Variants in CELA3A observed in about 807,000 individuals in gnomAD.
The protein encoded by CELA3A is chymotrypsin-like elastase family member 3A.
In CELA3A, 35 loss-of-function variants were observed where a neutral mutation model predicts 38.6. The ratio of observed to expected loss-of-function variants is 0.91; its 90% CI spans 0.69 to 1.20. The LOEUF is 1.20. Among genes scored for constraint, CELA3A ranks in the 50% most tolerant of loss-of-function variants. The pLI is 0.00. For missense variants in CELA3A, 343 were observed against 354.2 expected (o/e 0.97, Z 0.25); for synonymous variants, 143 against 136.7 (o/e 1.05, Z -0.32).
At chr1:22,004,883 T>C (rs1204575532) in intron 2 of CELA3A, among the ~76,000 whole-genome samples, 1 of 151,162 alleles carries the variant, frequency 6.6e-6, no homozygotes, top group Admixed American at 6.6e-5. Flanking sequence ...GCAGATCACC[T>C]GAGGTGAGGA....
intron 1 of CELA3A, among the ~76,000 whole-genome samples, chr1:22,002,287 C>G (rs1458815677): frequency 6.6e-6 from 1 of 151,242 alleles, no homozygotes; most frequent in African/African-American, 2.4e-5. Flanking sequence ...ATCATTATCC[C>G]CCATTTTACT....
At chr1:22,010,310 T>C (rs1644975994) in intron 7 of CELA3A, 8 of 326,400 alleles carry the variant, frequency 2.5e-5, no homozygotes, top group South Asian at 1.8e-4. Context: ...CAGTAATAGC[T>C]AAACAACAAA....
chr1:22,005,203 G>A (rs1349739886), intron 2 of CELA3A, among the ~76,000 whole-genome samples: 1 of 151,658 alleles, frequency 6.6e-6, no homozygotes, highest in Non-Finnish European at 1.5e-5. Flanking sequence ...TCCCCAGGGA[G>A]GTCATAGTGC....
Position 22,005,670 on chromosome 1 carries a change from T to C in CELA3A, c.236T>C (p.Leu79Pro), listed in dbSNP as rs777550507. The stretch of plus-strand genomic sequence containing the variant: ...CTCACCTCTGCCTGCAGGAGGGATC[T>C]GACCTACCAGGTGGTGTTGGGTGAG... ...VTAGHCISRDLTYQVVLGEYN... is the reference protein window; with the variant it reads ...VTAGHCISRDPTYQVVLGEYN... Residue 79 changes from leucine to proline, a missense_variant, in exon 4 of 8, where the codon CTG becomes CCG. Physicochemically the swap from Leu to Pro is moderately conservative, Grantham distance 98. Coordinates refer to ENST00000290122, the MANE Select transcript of CELA3A (RefSeq NM_005747.5). 1 of 1,612,444 alleles carries C rather than the reference T, an allele frequency of 6.2e-7. No homozygotes were observed. Among genetic ancestry groups the C allele is most frequent in the South Asian group, 1.1e-5 (1 of 90,982 alleles).
At chr1:22,010,146 G>A in intron 7 of CELA3A, 1 of 429,496 alleles carries the variant, frequency 2.3e-6, no homozygotes, top group Non-Finnish European at 4.5e-6. Context: ...AGGGAGGATA[G>A]AGAGACATGC....
chr1:22,006,800 T>C (rs917789825), intron 4 of CELA3A, 78 bp from the exon 5 acceptor site: 1 of 1,558,392 alleles, frequency 6.4e-7, no homozygotes, highest in African/African-American at 1.4e-5. Flanking sequence ...AGAGGTGGAA[T>C]AGCCTGGAGC....
In CELA3A at chr1:22,006,970, C is replaced by A; in HGVS notation, c.455C>A (p.Pro152His). 6.2e-7 allele frequency: 1 copy of A among 1,612,492 alleles called. No homozygotes were observed. Among genetic ancestry groups the A allele is most frequent in the Non-Finnish European group, 8.5e-7 (1 of 1,179,476 alleles). ...CTCCCTCCCGCTGGTGACATCCTTC[C>A]CAACAAGACACCCTGCTACATCACC... ...ASLPPAGDIL[P>H]NKTPCYITGW... Residue 152 changes from proline to histidine, a missense_variant, in exon 5 of 8, where the codon CCC (proline) becomes CAC (histidine). By Grantham distance (77) the Pro-to-His change is moderately conservative. Transcript: ENST00000290122.
At chr1:22,008,308 G>A (rs1370218749) in intron 6 of CELA3A, among the ~76,000 whole-genome samples, 2 of 150,516 alleles carry the variant, frequency 1.3e-5, no homozygotes, top group African/African-American at 2.5e-5. Flanking sequence ...GTGCCACAAT[G>A]CCTAGCTAAT....
chr1:22,006,670 T>C (rs969152905), intron 4 of CELA3A, among the ~76,000 whole-genome samples: 2 of 150,078 alleles, frequency 1.3e-5, no homozygotes, highest in African/African-American at 5.0e-5. Flanking sequence ...TGAGCTATGA[T>C]TGTGACACTG....
intron 6 of CELA3A, among the ~76,000 whole-genome samples, chr1:22,009,410 TG>T (rs1469911045): frequency 2.0e-5 from 3 of 150,854 alleles, no homozygotes; most frequent in Non-Finnish European, 4.4e-5. Flanking sequence ...CCGGGTGTGG[TG>T]GCAGGTGCCT....
At chr1:22,007,626 T>C (rs1644959476) in intron 6 of CELA3A, 111 bp downstream of exon 6, 2 of 1,475,514 alleles carry the variant, frequency 1.4e-6, no homozygotes, top group Non-Finnish European at 1.8e-6. Context: ...CCATTCAGCC[T>C]CCAGGCCAGG....
intron 7 of CELA3A, chr1:22,010,317 C>CAAA: frequency 3.0e-6 from 1 of 332,754 alleles, no homozygotes. Context: ...AGCTAAACAA[C>CAAA]AAAAAAAAAG....
intron 2 of CELA3A, among the ~76,000 whole-genome samples, chr1:22,004,222 C>T (rs988220024): frequency 1.3e-4 from 19 of 150,758 alleles, no homozygotes; most frequent in African/African-American, 4.4e-4. Context: ...CAGGCATGCG[C>T]CACCATGCCC....
chr1:22,005,574 G>T, intron 3 of CELA3A, 30 bp downstream of exon 3: 1 of 1,612,584 alleles, frequency 6.2e-7, no homozygotes, highest in Non-Finnish European at 8.5e-7. Flanking sequence ...CCTGCCTGTG[G>T]CCCTGGGCAG....
At chr1:22,009,596 C>T in intron 6 of CELA3A, 109 bp from the exon 7 acceptor site, 1 of 1,378,218 alleles carries the variant, frequency 7.3e-7, no homozygotes, top group Non-Finnish European at 9.9e-7. Context: ...CGAGCTAAGG[C>T]TCAGAGGTGT....
rs546305877 is a variant in CELA3A at position 22,010,327 on chromosome 1, G to A, written c.795+470G>A. 1,398 of 351,214 alleles carry A rather than the reference G, an allele frequency of 4.0e-3. 24 individuals carry two copies. Among genetic ancestry groups the A allele is most frequent in the Non-Finnish European group, 5.1e-3 (870 of 170,590 alleles). 21.8% of individuals were successfully genotyped at this position (351,214 alleles called of 1,614,324 possible). ...GTAATAGCTAAACAACAAAAAAAAAGAGAGTAATAGCTGGGCATGGCATAG... is the reference window on the plus strand; with the variant it reads ...GTAATAGCTAAACAACAAAAAAAAAAAGAGTAATAGCTGGGCATGGCATAG... On this transcript the variant is annotated intron_variant, in intron 7 of 7. Coordinates refer to ENST00000290122, the MANE Select transcript of CELA3A (RefSeq NM_005747.5).
chr1:22,008,760 G>GA (rs34410812), intron 6 of CELA3A, among the ~76,000 whole-genome samples: 36 of 145,456 alleles, frequency 2.5e-4, no homozygotes, highest in Middle Eastern at 3.5e-3. Flanking sequence ...CGCTGACTCA[G>GA]AAAAAAAAAA....
At position 22,001,859 on chromosome 1, in the gene CELA3A, G is replaced by C. The variant is rs1644920674; in HGVS notation, c.43+142G>C. The C allele has an allele frequency of 5.8e-6, 7 of 1,214,664 alleles. 1 individual carries two copies. In the East Asian group the frequency reaches 1.7e-4, roughly 29 times the overall value. 75.2% of individuals were successfully genotyped at this position (1,214,664 alleles called of 1,614,324 possible). ...TCAGCTTGTACCCGGGGGCATGACT[G>C]TAGGGGCTTTCAGCTTATGATGGAG... is the stretch of plus-strand genomic sequence containing the variant. On this transcript the variant is annotated intron_variant, in intron 1 of 7. Transcript: ENST00000290122.
At chr1:22,003,307 G>T (rs1048823416) in intron 2 of CELA3A, among the ~76,000 whole-genome samples, 11 of 151,150 alleles carry the variant, frequency 7.3e-5, no homozygotes, top group Non-Finnish European at 1.3e-4. Flanking sequence ...GGAATCGGGG[G>T]TGAAGGAAAT....
Sources: allele counts gnomAD v4.1 joint callset (sites outside exome capture counted in the v4.1 genomes callset), GRCh38; gene constraint gnomAD v4.1.1; transcripts MANE v1.5; gene names NCBI Gene and HGNC (gene_info 2026-07-23, HGNC 2026-07-21).